Variants in CAST observed in about 807,000 individuals in gnomAD.
The protein encoded by CAST is MIR583 host.
A neutral mutation model predicts 119.6 loss-of-function variants in CAST; 76 were observed. That is an observed-to-expected ratio of 0.64 (90% CI 0.53 to 0.77). CAST has a LOEUF of 0.77. Among genes scored for constraint, CAST ranks in the 30% least tolerant of loss-of-function variants. The probability of loss-of-function intolerance (pLI) is 0.00; values close to 1 mark genes in which losing one functional copy is unlikely to be tolerated. For synonymous variants in CAST, 319 were observed against 331.6 expected, an observed-to-expected ratio of 0.96 and a Z score of 0.41; for missense variants, 953 against 946.5, an observed-to-expected ratio of 1.01 and a Z score of -0.09.
intron 17 of CAST, 97 bp from the exon 18 acceptor site, chr5:96,747,248 G>T: frequency 1.4e-6 from 1 of 690,512 alleles, no homozygotes; most frequent in South Asian, 1.7e-5. Context: ...AAAATTAGCT[G>T]ACATTTCATA....
At chr5:96,402,401 T>C in the CAST span, among the ~76,000 whole-genome samples, 1 of 152,144 alleles carries the variant, frequency 6.6e-6, no homozygotes, top group African/African-American at 2.4e-5. Context: ...TCCTAGCTGG[T>C]GAGAGCTTTC....
At position 96,642,841 on chromosome 5, in the gene CAST, G is replaced by A. The variant is rs147856520; in HGVS notation, c.61-32698G>A. Among the ~76,000 whole-genome samples the A allele has an allele frequency of 3.3e-3, 507 of 152,196 alleles. 8 individuals are homozygous for A. The highest frequency in any genetic ancestry group is 0.023 in the South Asian group (109 of 4,814). ...TGGGATTACAGGTGTGAGCCACCACGCCCATCCAAATACATATAGTTCTTA... is the reference window on the plus strand; with the variant it reads ...TGGGATTACAGGTGTGAGCCACCACACCCATCCAAATACATATAGTTCTTA... On this transcript the variant is annotated intron_variant, in intron 1 of 11. Transcript: ENST00000505143.
chr5:96,589,984 T>C (rs1746933864), intron 1 of CAST, among the ~76,000 whole-genome samples: 1 of 152,234 alleles, frequency 6.6e-6, no homozygotes, highest in African/African-American at 2.4e-5. Flanking sequence ...TATGTGAAAC[T>C]GAACCAAGGC....
the CAST span, among the ~76,000 whole-genome samples, chr5:96,228,935 C>T: frequency 6.6e-6 from 1 of 152,034 alleles, no homozygotes; most frequent in East Asian, 1.9e-4. Flanking sequence ...TCTGAAAATT[C>T]ATGTGCTCTT....
At chr5:95,971,279 C>CTCAT in the CAST span, among the ~76,000 whole-genome samples, 4 of 152,060 alleles carry the variant, frequency 2.6e-5, no homozygotes, top group African/African-American at 9.7e-5. Context: ...ATTTTACATA[C>CTCAT]TCATTGTAAG....
rs150070437 is a variant in CAST, at chr5:96,741,274, A to T, written c.927A>T (p.Ile309=). ...TGPPADSSKP[I]GPDDAIDALS... is the part of the protein sequence containing the mutation. ...TGTGCCTGTTTCTTTAGAAACCCAT[A>T]GGGCCAGATGATGCTATAGACGCCT... Residue 309 remains isoleucine, a synonymous_variant, in exon 14 of 32, where the codon ATA becomes ATT. Transcript: ENST00000675179. The T allele has an allele frequency of 1.9e-5, 30 of 1,607,178 alleles. No homozygotes were observed. The African/African-American group carries it at 3.2e-4, about 17-fold the overall frequency.
the CAST span, among the ~76,000 whole-genome samples, chr5:96,315,693 A>G: frequency 6.6e-6 from 1 of 152,220 alleles, no homozygotes; most frequent in African/African-American, 2.4e-5. Context: ...TGGGCTCTGT[A>G]ACTGCTTTGA....
chr5:96,421,966 C>G, the CAST span: 1 of 497,416 alleles, frequency 2.0e-6, no homozygotes, highest in Non-Finnish European at 3.3e-6. Flanking sequence ...CCTAAAGAGA[C>G]AACAAAATAT....
chr5:96,338,564 A>G, the CAST span, among the ~76,000 whole-genome samples: 2 of 152,212 alleles, frequency 1.3e-5, no homozygotes, highest in Admixed American at 6.5e-5. Context: ...TCTCCCCCCA[A>G]ACAACTTTGC....
the CAST span, among the ~76,000 whole-genome samples, chr5:96,497,389 C>T: frequency 6.6e-6 from 1 of 152,110 alleles, no homozygotes; most frequent in East Asian, 1.9e-4. Context: ...AATGGGATTG[C>T]TGAGTCAAAT....
chr5:96,411,826 T>C, the CAST span, among the ~76,000 whole-genome samples: 1 of 152,224 alleles, frequency 6.6e-6, no homozygotes, highest in Non-Finnish European at 1.5e-5. Flanking sequence ...ATATTTAGTT[T>C]TGAGGCAGGG....
the CAST span, among the ~76,000 whole-genome samples, chr5:96,142,903 T>A: frequency 6.6e-6 from 1 of 152,140 alleles, no homozygotes; most frequent in Non-Finnish European, 1.5e-5. Context: ...TTACCTAATC[T>A]TATCCAGTCA....
At chr5:96,688,758 T>A in intron 2 of CAST, among the ~76,000 whole-genome samples, 1 of 152,228 alleles carries the variant, frequency 6.6e-6, no homozygotes, top group East Asian at 1.9e-4. Context: ...TCCTACTTTT[T>A]TTAATCTTAA....
chr5:96,600,385 T>C (rs920075948), intron 1 of CAST, among the ~76,000 whole-genome samples: 1 of 152,186 alleles, frequency 6.6e-6, no homozygotes, highest in Non-Finnish European at 1.5e-5. Context: ...GCAAGAGCCC[T>C]ACCCAGTAAG....
the CAST span, among the ~76,000 whole-genome samples, chr5:96,476,621 G>A: frequency 2.0e-5 from 3 of 152,130 alleles, no homozygotes; most frequent in Non-Finnish European, 2.9e-5. Context: ...TTATAAGCAC[G>A]TTTCAAATAC....
the CAST span, among the ~76,000 whole-genome samples, chr5:96,208,489 T>C: frequency 6.6e-6 from 1 of 152,034 alleles, no homozygotes; most frequent in African/African-American, 2.4e-5. Context: ...CTCTTAATAC[T>C]GCTTTAACTG....
intron 1 of CAST, among the ~76,000 whole-genome samples, chr5:96,673,583 A>T (rs1750367114): frequency 6.6e-6 from 1 of 152,204 alleles, no homozygotes; most frequent in African/African-American, 2.4e-5. Flanking sequence ...AGTCATTTAC[A>T]AGAAATGCCT....
chr5:96,732,200 T>A (rs1438835259), intron 9 of CAST, among the ~76,000 whole-genome samples: 1 of 141,932 alleles, frequency 7.0e-6, no homozygotes, highest in Non-Finnish European at 1.5e-5. Context: ...CCATTCTAAC[T>A]GGTGTGAGAT....
At chr5:96,258,944 C>A in the CAST span, among the ~76,000 whole-genome samples, 1 of 151,986 alleles carries the variant, frequency 6.6e-6, no homozygotes, top group Non-Finnish European at 1.5e-5. Flanking sequence ...CAAATAAGTA[C>A]TAAATGAGAA....
Sources: allele counts gnomAD v4.1 joint callset (sites outside exome capture counted in the v4.1 genomes callset), GRCh38; gene constraint gnomAD v4.1.1; transcripts MANE v1.5; gene names NCBI Gene and HGNC (gene_info 2026-07-23, HGNC 2026-07-21).